Variants in LINGO2 observed in about 807,000 individuals in gnomAD.
The protein encoded by LINGO2 is leucine rich repeat and Ig domain containing 2.
Under a neutral mutation model 30.6 loss-of-function variants are expected in LINGO2, and 14 were observed. The observed-to-expected ratio is 0.46, with a 90% confidence interval of 0.30 to 0.72. The LOEUF is 0.72. Among genes scored for constraint, LINGO2 ranks in the 30% least tolerant of loss-of-function variants. LINGO2 has a pLI of 0.07. For synonymous variants in LINGO2, 317 were observed against 288.5 expected, an observed-to-expected ratio of 1.10 and a Z score of -1.00; for missense variants, 729 against 751.7, an observed-to-expected ratio of 0.97 and a Z score of 0.35.
chr9:28,700,667 A>G, the LINGO2 span, among the ~76,000 whole-genome samples: 1 of 152,104 alleles, frequency 6.6e-6, no homozygotes, highest in Non-Finnish European at 1.5e-5. Context: ...GGTAAATACC[A>G]AAGAGCACAA....
At chr9:28,867,080 G>T in the LINGO2 span, among the ~76,000 whole-genome samples, 1 of 152,064 alleles carries the variant, frequency 6.6e-6, no homozygotes, top group South Asian at 2.1e-4. Flanking sequence ...CTGGTGACAG[G>T]AAGTAAAACA....
At chr9:28,490,978 GAA>G (rs895010858) in intron 1 of LINGO2, among the ~76,000 whole-genome samples, 1 of 152,140 alleles carries the variant, frequency 6.6e-6, no homozygotes, top group African/African-American at 2.4e-5. Context: ...AAACCAAAGA[GAA>G]AACAATGTAT....
At chr9:28,169,245 A>T (rs902193297) in intron 4 of LINGO2, among the ~76,000 whole-genome samples, 5 of 152,242 alleles carry the variant, frequency 3.3e-5, no homozygotes, top group African/African-American at 1.2e-4. Flanking sequence ...ACACATGATC[A>T]AACTCAAACC....
At chr9:28,297,171 C>G (rs918292792) in intron 3 of LINGO2, among the ~76,000 whole-genome samples, 4 of 152,150 alleles carry the variant, frequency 2.6e-5, no homozygotes, top group African/African-American at 9.7e-5. Context: ...AGCGCCACTT[C>G]TCATACTTTG....
chr9:28,519,054 C>T (rs1820733510), intron 1 of LINGO2, among the ~76,000 whole-genome samples: 2 of 152,134 alleles, frequency 1.3e-5, no homozygotes, highest in South Asian at 4.1e-4. Flanking sequence ...GTTTTGGAGA[C>T]AGGGTCTGAC....
At chr9:29,038,624 T>C in the LINGO2 span, among the ~76,000 whole-genome samples, 5 of 146,836 alleles carry the variant, frequency 3.4e-5, no homozygotes, top group East Asian at 6.0e-4. Flanking sequence ...TAGCACACTG[T>C]CTAGGGACAA....
intron 1 of LINGO2, among the ~76,000 whole-genome samples, chr9:28,661,392 G>C (rs536081375): frequency 1.3e-4 from 20 of 152,214 alleles, no homozygotes; most frequent in African/African-American, 4.6e-4. Context: ...GAGTAAGTGA[G>C]CTCAGGTACA....
chr9:28,615,827 T>C (rs73644087), intron 1 of LINGO2, among the ~76,000 whole-genome samples: 3,492 of 152,158 alleles, frequency 0.023, 121 homozygotes, highest in African/African-American at 0.076. Flanking sequence ...ATCAATGGCT[T>C]AAGATGAAAA....
chr9:29,091,073 T>C, the LINGO2 span, among the ~76,000 whole-genome samples: 1 of 152,088 alleles, frequency 6.6e-6, no homozygotes, highest in African/African-American at 2.4e-5. Flanking sequence ...AAGATTTTCA[T>C]CTTTTCTATT....
intron 3 of LINGO2, among the ~76,000 whole-genome samples, chr9:28,342,204 T>G (rs13297128): frequency 6.6e-6 from 1 of 152,172 alleles, no homozygotes; most frequent in Non-Finnish European, 1.5e-5. Flanking sequence ...ATAGCTAGTA[T>G]GTGCTCTCTT....
intron 4 of LINGO2, among the ~76,000 whole-genome samples, chr9:28,232,479 G>C (rs1418974765): frequency 1.3e-5 from 2 of 149,386 alleles, no homozygotes; most frequent in Admixed American, 6.7e-5. Flanking sequence ...AGCTTATTAA[G>C]GTAAAACTGT....
At chr9:28,244,761 G>A (rs1035852374) in intron 4 of LINGO2, among the ~76,000 whole-genome samples, 4 of 150,188 alleles carry the variant, frequency 2.7e-5, no homozygotes, top group Non-Finnish European at 4.4e-5. Flanking sequence ...GGAAGAAGTC[G>A]AATCCTTGCA....
At chr9:29,159,563 G>A in the LINGO2 span, among the ~76,000 whole-genome samples, 1 of 152,012 alleles carries the variant, frequency 6.6e-6, no homozygotes, top group Non-Finnish European at 1.5e-5. Context: ...AACATTTTAA[G>A]AGTACTTTGT....
In LINGO2 at chr9:28,041,132, TCCCTCAAAA is replaced by T. The variant is rs1318697734; in HGVS notation, c.-86-28736_-86-28728del. 4.4e-3 allele frequency among the ~76,000 whole-genome samples: 676 copies of T among 152,314 alleles called. 7 individuals carry two copies. The highest frequency in any genetic ancestry group is 0.015 in the African/African-American group (644 of 41,562). On this transcript the variant is annotated intron_variant, in intron 4 of 5. Coordinates refer to ENST00000379992, the Ensembl canonical transcript of LINGO2. ...ACCACTATTGTTGACTGAAAAATGT[TCCCTCAAAA>T]GAGATCCAAGACCATCTTTGTGTCT...
At chr9:27,991,225 A>G (rs1821382856) in intron 5 of LINGO2, among the ~76,000 whole-genome samples, 1 of 151,900 alleles carries the variant, frequency 6.6e-6, no homozygotes, top group Admixed American at 6.6e-5. Context: ...AATACAATGA[A>G]CGGCAACAAC....
chr9:28,617,091 G>C lies in LINGO2; in HGVS notation c.-365+53109C>G, dbSNP rs74443546. The stretch of plus-strand genomic sequence containing the variant: ...AAATTAGCCTTGGCATGAATATGAA[G>C]TAAAAAATAAGTCCTATTAATTATG... On this transcript the variant is annotated intron_variant, in intron 1 of 5. Transcript: ENST00000379992. Among the ~76,000 whole-genome samples the C allele has an allele frequency of 9.1e-3, 1,382 of 151,974 alleles. 21 individuals carry two copies. The highest frequency in any genetic ancestry group is 0.032 in the African/African-American group (1,330 of 41,448).
chr9:28,337,470 G>C (rs140159939), intron 3 of LINGO2, among the ~76,000 whole-genome samples: 1 of 152,152 alleles, frequency 6.6e-6, no homozygotes. Context: ...GCAGAAATTT[G>C]TATAAGTAAC....
the LINGO2 span, among the ~76,000 whole-genome samples, chr9:28,992,771 A>T: frequency 6.6e-6 from 1 of 152,158 alleles, no homozygotes. Flanking sequence ...GCTACTGGGT[A>T]CATAACGAAA....
At chr9:28,300,221 G>A (rs918979792) in intron 3 of LINGO2, among the ~76,000 whole-genome samples, 3 of 151,732 alleles carry the variant, frequency 2.0e-5, no homozygotes, top group Admixed American at 2.0e-4. Context: ...TAGCACATCA[G>A]TGTTTTGCTG....
Sources: allele counts gnomAD v4.1 joint callset (sites outside exome capture counted in the v4.1 genomes callset), GRCh38; gene constraint gnomAD v4.1.1; transcripts MANE v1.5; gene names NCBI Gene and HGNC (gene_info 2026-07-23, HGNC 2026-07-21).